The following ROBO2 variants were observed in gnomAD, a reference collection of about 807,000 sequenced individuals.
The protein encoded by ROBO2 is roundabout homolog 2.
Under a neutral mutation model 160.8 loss-of-function variants are expected in ROBO2, and 53 were observed. That is an observed-to-expected ratio of 0.33 (90% confidence interval 0.26 to 0.41). ROBO2 has a LOEUF of 0.41. Ranked by LOEUF, ROBO2 falls within the 10% of genes least tolerant of loss-of-function variation. ROBO2 has a pLI of 1.00. For missense variants in ROBO2, 1,577 were observed against 1,722.4 expected (o/e 0.92, Z 1.49); for synonymous variants, 664 against 611.7 (o/e 1.09, Z -1.26).
chr3:77,010,819 C>CCT (rs1559840307), intron 2 of ROBO2, among the ~76,000 whole-genome samples: 30 of 149,740 alleles, frequency 2.0e-4, no homozygotes, highest in African/African-American at 6.1e-4. Flanking sequence ...TTTTCTTTCT[C>CCT]TCCTTCCTTC....
At chr3:76,260,274 A>G (rs980651166) in intron 2 of ROBO2, among the ~76,000 whole-genome samples, 13 of 152,108 alleles carry the variant, frequency 8.5e-5, no homozygotes, top group African/African-American at 3.1e-4. Context: ...CATTTACTCT[A>G]ATTTATATAA....
At chr3:77,625,300 T>C (rs2094987996) in intron 23 of ROBO2, among the ~76,000 whole-genome samples, 1 of 152,098 alleles carries the variant, frequency 6.6e-6, no homozygotes, top group Non-Finnish European at 1.5e-5. Flanking sequence ...ATCACTTGGC[T>C]AAAAATTTAG....
At chr3:76,139,086 A>G (rs1187402771) in intron 2 of ROBO2, among the ~76,000 whole-genome samples, 1 of 152,168 alleles carries the variant, frequency 6.6e-6, no homozygotes, top group East Asian at 1.9e-4. Flanking sequence ...AGCACAAAAC[A>G]CTAAATGTAT....
chr3:76,503,342 T>C (rs569464129), intron 2 of ROBO2, among the ~76,000 whole-genome samples: 77 of 152,272 alleles, frequency 5.1e-4, no homozygotes, highest in African/African-American at 1.8e-3. Flanking sequence ...TAATCTCTTT[T>C]GGCAACACCC....
chr3:77,041,928 C>A (rs924683622), intron 1 of ROBO2, among the ~76,000 whole-genome samples: 1 of 152,150 alleles, frequency 6.6e-6, no homozygotes, highest in Non-Finnish European at 1.5e-5. Context: ...CATAAACTTT[C>A]CTCCAGCATT....
intron 2 of ROBO2, among the ~76,000 whole-genome samples, chr3:76,212,758 C>G (rs147140214): frequency 0.021 from 3,213 of 152,078 alleles, 33 homozygotes; most frequent in Middle Eastern, 0.044. Flanking sequence ...CTGTAGTTCT[C>G]CCCATTAGGC....
intron 2 of ROBO2, among the ~76,000 whole-genome samples, chr3:77,193,055 A>T (rs982520674): frequency 6.6e-6 from 1 of 151,742 alleles, no homozygotes; most frequent in African/African-American, 2.4e-5. Flanking sequence ...TGCCAGCATT[A>T]AAAAAAATAA....
intron 2 of ROBO2, among the ~76,000 whole-genome samples, chr3:76,318,424 C>T (rs2072228412): frequency 6.6e-6 from 1 of 152,086 alleles, no homozygotes; most frequent in African/African-American, 2.4e-5. Context: ...TATCAGCCCC[C>T]ACCCTCTCCT....
chr3:76,091,775 A>G (rs910011074), intron 2 of ROBO2, among the ~76,000 whole-genome samples: 1 of 152,208 alleles, frequency 6.6e-6, no homozygotes, highest in African/African-American at 2.4e-5. Flanking sequence ...TCAAGCTATG[A>G]AAAACATGGA....
At chr3:76,860,982 T>C (rs1006955545) in intron 2 of ROBO2, among the ~76,000 whole-genome samples, 3 of 152,180 alleles carry the variant, frequency 2.0e-5, no homozygotes, top group Non-Finnish European at 4.4e-5. Context: ...TTATCAAACT[T>C]TAGCCCGTTC....
intron 2 of ROBO2, among the ~76,000 whole-genome samples, chr3:76,955,820 C>T (rs551296222): frequency 4.0e-5 from 6 of 149,232 alleles, no homozygotes; most frequent in Non-Finnish European, 8.9e-5. Flanking sequence ...CCCAGCTATT[C>T]AGGAGGCTGA....
chr3:76,458,235 T>C (rs948172669), intron 2 of ROBO2, among the ~76,000 whole-genome samples: 4 of 152,200 alleles, frequency 2.6e-5, no homozygotes, highest in Non-Finnish European at 4.4e-5. Flanking sequence ...ACCTCTTGAA[T>C]GCTTTGCTGC....
chr3:76,537,257 T>C lies in ROBO2; in HGVS notation c.110-560757T>C, dbSNP rs144208601. ...ACAAAGTGTAAAAAACACCTGGACA[T>C]AAGGCACCTCAGACCATTTGCCAAT... is the stretch of plus-strand genomic sequence containing the variant. On this transcript the variant is annotated intron_variant, in intron 2 of 26. Coordinates refer to the ROBO2 transcript ENST00000487694. 2.8e-3 allele frequency among the ~76,000 whole-genome samples: 433 copies of C among 152,166 alleles called. 5 individuals carry two copies. Among genetic ancestry groups the C allele is most frequent in the African/African-American group, 9.8e-3 (407 of 41,478 alleles).
rs767988628 is a variant in ROBO2, at chr3:76,811,775, CTCCTTCCTTCCT to C, written c.110-286188_110-286177del. ...TGCTTAATTACCTTTCTCTCTTTCC[CTCCTTCCTTCCT>C]TCCTTCCTTCCTTCCTTCCTTCCTT... On this transcript the variant is annotated intron_variant, in intron 2 of 26. Transcript: ENST00000487694. 3.5e-3 allele frequency among the ~76,000 whole-genome samples: 339 copies of C among 96,918 alleles called. 10 individuals are homozygous for C. Among genetic ancestry groups the C allele is most frequent in the Non-Finnish European group, 4.5e-3 (213 of 47,688 alleles). 63.6% of individuals were successfully genotyped at this position (96,918 alleles called of 152,430 possible). A position where few individuals can be genotyped will look rare whatever the true frequency, so the allele number is the denominator to read the frequency against.
intron 2 of ROBO2, among the ~76,000 whole-genome samples, chr3:76,448,103 A>G: frequency 6.6e-6 from 1 of 151,566 alleles, no homozygotes; most frequent in Non-Finnish European, 1.5e-5. Flanking sequence ...AAAAGAAAAA[A>G]CAAACAAACA....
Position 76,825,931 on chromosome 3 carries a change from G to T in ROBO2, c.110-272083G>T, listed in dbSNP as rs569024902. 4.6e-5 allele frequency among the ~76,000 whole-genome samples: 7 copies of T among 151,288 alleles called. No individual in the cohort carries two copies. In the South Asian group the frequency reaches 1.5e-3, roughly 32 times the overall value. On this transcript the variant is annotated intron_variant, in intron 2 of 26. Coordinates refer to the ROBO2 transcript ENST00000487694. ...TGTTCTTTTGTTAATATTCATATGT[G>T]GTATCTGAGAAAAAGAAGCAACTCA...
At chr3:76,606,155 G>A (rs1282590743) in intron 2 of ROBO2, among the ~76,000 whole-genome samples, 1 of 151,916 alleles carries the variant, frequency 6.6e-6, no homozygotes, top group East Asian at 1.9e-4. Context: ...AAAAAATAAG[G>A]GGAATCATTT....
intron 2 of ROBO2, among the ~76,000 whole-genome samples, chr3:76,684,603 T>C (rs1054537908): frequency 6.6e-6 from 1 of 152,288 alleles, no homozygotes; most frequent in East Asian, 1.9e-4. Flanking sequence ...TTTACATCAA[T>C]GCATAAAAAT....
At chr3:76,497,360 T>A (rs2080209865) in intron 2 of ROBO2, among the ~76,000 whole-genome samples, 1 of 152,236 alleles carries the variant, frequency 6.6e-6, no homozygotes, top group Admixed American at 6.5e-5. Flanking sequence ...CATACCAGGC[T>A]AATTTTGTTT....
Sources: allele counts gnomAD v4.1 joint callset (sites outside exome capture counted in the v4.1 genomes callset), GRCh38; gene constraint gnomAD v4.1.1; transcripts MANE v1.5; gene names NCBI Gene and HGNC (gene_info 2026-07-23, HGNC 2026-07-21).